Variants in RYR3 observed in about 807,000 individuals in gnomAD.
RYR3 encodes ryanodine receptor 3, also known as brain ryanodine receptor-calcium release channel.
In RYR3, 207 loss-of-function variants were observed where a neutral mutation model predicts 584.3. The observed-to-expected ratio is 0.35, with a 90% CI of 0.32 to 0.40. The LOEUF (loss-of-function observed/expected upper bound fraction) is 0.40. RYR3 is among the 10% of genes least tolerant of loss of function. The probability of loss-of-function intolerance (pLI) is 1.00; values close to 1 mark genes in which losing one functional copy is unlikely to be tolerated. For synonymous variants in RYR3, 2,416 were observed against 2,248.5 expected (o/e 1.07, Z -2.11); for missense variants, 5,616 against 6,089.2 (o/e 0.92, Z 2.59).
chr15:33,620,097 C>T lies in RYR3; in HGVS notation c.2358-3710C>T, dbSNP rs146243338. 2.2e-3 allele frequency among the ~76,000 whole-genome samples: 331 copies of T among 152,208 alleles called. 2 individuals are homozygous for T. The highest frequency in any genetic ancestry group is 7.6e-3 in the African/African-American group (315 of 41,516). On this transcript the variant is annotated intron_variant, in intron 19 of 103. Transcript: ENST00000634891. ...TCAGACATTTGCCTTTCTGGGAAGT[C>T]CCTTTTTAAGATGGCAGATGGTGGG... is the stretch of plus-strand genomic sequence containing the variant.
chr15:33,576,911 C>T (rs1360061831), intron 12 of RYR3, among the ~76,000 whole-genome samples: 1 of 152,208 alleles, frequency 6.6e-6, no homozygotes, highest in Non-Finnish European at 1.5e-5. Flanking sequence ...TAAGCAACTT[C>T]AGCAAAGTCT....
At chr15:33,552,723 T>C (rs2056778968) in intron 10 of RYR3, among the ~76,000 whole-genome samples, 1 of 152,170 alleles carries the variant, frequency 6.6e-6, no homozygotes, top group Non-Finnish European at 1.5e-5. Context: ...CACCTTAGAC[T>C]GTGAAGCTGC....
At position 33,838,888 on chromosome 15, in the gene RYR3, T is replaced by C. The variant is rs373506577; in HGVS notation, c.12908T>C (p.Leu4303Pro). The C allele has an allele frequency of 3.0e-5, 49 of 1,613,820 alleles. No homozygotes were observed. The highest frequency in any genetic ancestry group is 3.8e-5 in the Non-Finnish European group (45 of 1,179,872). The change falls in exon 89 of 104, where the codon CTC (leucine) becomes CCC (proline). Residue 4303 changes from leucine to proline, a missense_variant. Physicochemically the swap from Leu to Pro is moderately conservative, Grantham distance 98. This residue lies in a region of RYR3 where 918 missense variants were observed against 887.4 expected (regional missense o/e 1.03). Transcript: ENST00000634891. ...GGGCCTGAAGTGGGTTTGGGTGACC[T>C]CTCAGAAATTATTGGCAAGGATGAA... ...KHGPEVGLGD[L>P]SEIIGKDEPP...
chr15:33,336,972 G>A (rs959255393), intron 1 of RYR3, among the ~76,000 whole-genome samples: 17 of 148,466 alleles, frequency 1.1e-4, no homozygotes, highest in African/African-American at 4.2e-4. Flanking sequence ...GGAGGAGAAT[G>A]GCGTGAACCT....
intron 45 of RYR3, 86 bp downstream of exon 45, chr15:33,724,262 T>G (rs1221223612): frequency 2.7e-6 from 2 of 740,744 alleles, no homozygotes; most frequent in Non-Finnish European, 4.4e-6. Flanking sequence ...TCTTCCTCTG[T>G]CTCTGGCATT....
chr15:33,634,472 A>T (rs1055745513), intron 24 of RYR3, 114 bp from the exon 25 acceptor site: 3 of 968,582 alleles, frequency 3.1e-6, no homozygotes, highest in Admixed American at 2.1e-5. Context: ...GGGAAGGGCT[A>T]ATAGACCTAG....
intron 1 of RYR3, among the ~76,000 whole-genome samples, chr15:33,355,221 C>T (rs1264215488): frequency 6.6e-6 from 1 of 151,022 alleles, no homozygotes; most frequent in Non-Finnish European, 1.5e-5. Context: ...GTTGGCTTGG[C>T]CAGACTTGTC....
At chr15:33,646,672 A>G (rs2062120282) in intron 29 of RYR3, 146 bp downstream of exon 29, 3 of 686,206 alleles carry the variant, frequency 4.4e-6, no homozygotes, top group South Asian at 4.0e-5. Context: ...ATGAGAATGT[A>G]TGTGCACGCA....
intron 19 of RYR3, among the ~76,000 whole-genome samples, chr15:33,622,701 T>C (rs1456951059): frequency 1.9e-5 from 2 of 106,030 alleles, no homozygotes; most frequent in Admixed American, 2.2e-4. Context: ...ATATATTGGC[T>C]TTTTTCCAGT....
At chr15:33,509,006 G>A (rs1975242) in intron 3 of RYR3, among the ~76,000 whole-genome samples, 75,823 of 151,932 alleles carry the variant, frequency 0.5, 19,809 homozygotes, top group African/African-American at 0.64. Flanking sequence ...TGCTATATCC[G>A]TGTAAAGGTC....
intron 18 of RYR3, among the ~76,000 whole-genome samples, chr15:33,611,994 T>C (rs2060218049): frequency 6.6e-6 from 1 of 152,226 alleles, no homozygotes; most frequent in Non-Finnish European, 1.5e-5. Context: ...CCATTTATAA[T>C]GAATACATAT....
At chr15:33,331,679 A>G (rs893331230) in intron 1 of RYR3, among the ~76,000 whole-genome samples, 8 of 152,116 alleles carry the variant, frequency 5.3e-5, no homozygotes, top group Admixed American at 4.6e-4. Flanking sequence ...AAGGATTACC[A>G]CAGACAGAAC....
chr15:33,428,416 G>C (rs768133883), intron 1 of RYR3, among the ~76,000 whole-genome samples: 2 of 152,160 alleles, frequency 1.3e-5, no homozygotes, highest in African/African-American at 4.8e-5. Context: ...TTTGTACTTC[G>C]AAGATTTTAG....
At chr15:33,755,581 C>T (rs937856505) in intron 58 of RYR3, among the ~76,000 whole-genome samples, 21 of 152,166 alleles carry the variant, frequency 1.4e-4, no homozygotes, top group Middle Eastern at 3.2e-3. Flanking sequence ...CGTGCCATTG[C>T]ACTCCAGCCT....
intron 16 of RYR3, 97 bp from the exon 17 acceptor site, chr15:33,601,322 C>T (rs886444307): frequency 2.3e-6 from 3 of 1,290,788 alleles, no homozygotes; most frequent in Middle Eastern, 2.6e-4. Flanking sequence ...CACCTAGCCC[C>T]CACCCTTTAT....
chr15:33,639,301 A>T (rs1808925351), intron 27 of RYR3, among the ~76,000 whole-genome samples: 1 of 152,216 alleles, frequency 6.6e-6, no homozygotes, highest in African/African-American at 2.4e-5. Context: ...GTCGTATCAT[A>T]TTGCCCTTTA....
chr15:33,435,579 C>T (rs1364329182), intron 1 of RYR3, among the ~76,000 whole-genome samples: 2 of 152,198 alleles, frequency 1.3e-5, no homozygotes, highest in Non-Finnish European at 2.9e-5. Flanking sequence ...GGGCTATATG[C>T]CTCTTCCTCC....
At chr15:33,567,167 G>T (rs1434399936) in intron 12 of RYR3, among the ~76,000 whole-genome samples, 1 of 152,174 alleles carries the variant, frequency 6.6e-6, no homozygotes, top group African/African-American at 2.4e-5. Context: ...ATGTAGAAAG[G>T]GTTTCTACAA....
chr15:33,555,146 G>A (rs551293937), intron 10 of RYR3, among the ~76,000 whole-genome samples: 1 of 152,294 alleles, frequency 6.6e-6, no homozygotes, highest in South Asian at 2.1e-4. Context: ...GCTAAGCATG[G>A]TGTTCTTGGC....
Sources: allele counts gnomAD v4.1 joint callset (sites outside exome capture counted in the v4.1 genomes callset), GRCh38; gene constraint gnomAD v4.1.1; regional missense constraint gnomAD v4.1.1; transcripts MANE v1.5; gene names NCBI Gene and HGNC (gene_info 2026-07-23, HGNC 2026-07-21).